The following USP36 variants were observed in gnomAD, a reference collection of about 807,000 sequenced individuals.
USP36 encodes the protein ubiquitin specific peptidase 36.
USP36 carries 59 observed loss-of-function variants against 111.5 expected under a neutral mutation model. The ratio of observed to expected loss-of-function variants is 0.53; its 90% CI spans 0.43 to 0.66. USP36 has a LOEUF of 0.66. Among genes scored for constraint, USP36 ranks in the 30% least tolerant of loss-of-function variants. The pLI is 0.00. For synonymous variants in USP36, 628 were observed against 581.0 expected (o/e 1.08, Z -1.16); for missense variants, 1,488 against 1,468.0 (o/e 1.01, Z -0.22).
intron 15 of USP36, among the ~76,000 whole-genome samples, 173 bp from the exon 16 acceptor site, chr17:78,804,151 T>G (rs1383666565): frequency 5.9e-5 from 9 of 152,172 alleles, no homozygotes; most frequent in Non-Finnish European, 1.2e-4. Context: ...AGCTAACAAT[T>G]AATTCAACAT....
intron 17 of USP36, 67 bp from the exon 18 acceptor site, chr17:78,799,835 C>A: frequency 1.0e-6 from 1 of 978,748 alleles, no homozygotes; most frequent in Non-Finnish European, 1.5e-6. Context: ...AGCAATCGCA[C>A]ACCTTAAATT....
chr17:78,798,886 TG>T lies in USP36; in HGVS notation c.3240+21del. ...ACGCCGCCCTGCTCCCTCAAGCCTG[TG>T]GTCAGCATCACACATCATACCTTCC... On this transcript the variant is annotated intron_variant, in intron 19 of 20. Coordinates refer to ENST00000449938, the MANE Select transcript of USP36 (RefSeq NM_001385174.1). The surrounding 1 kb of genome is among the most constrained non-coding windows in gnomAD (Gnocchi z 5.1). 3 of 1,613,292 alleles carry T rather than the reference TG, an allele frequency of 1.9e-6. No individual in the cohort carries two copies. The highest frequency in any genetic ancestry group is 2.5e-6 in the Non-Finnish European group (3 of 1,179,442).
At chr17:78,789,219 AAGG>A (rs1446745076) in intron 3 of USP36, among the ~76,000 whole-genome samples, 1 of 148,172 alleles carries the variant, frequency 6.7e-6, no homozygotes, top group Non-Finnish European at 1.5e-5. Context: ...AAAAAAAAAA[AAGG>A]AGATGAGGTT....
chr17:78,798,841 C>A lies in USP36; in HGVS notation c.3240+67G>T. The A allele has an allele frequency of 6.3e-7, 1 of 1,576,422 alleles. No homozygotes were observed. The highest frequency in any genetic ancestry group is 8.7e-7 in the Non-Finnish European group (1 of 1,149,930). On this transcript the variant is annotated intron_variant, in intron 19 of 20. Transcript: ENST00000449938. This position sits in a 1 kb window ranked among gnomAD's most constrained non-coding sequence, Gnocchi z 5.1. ...ATGCCACTGCCGCCACCTCCAACTG[C>A]CCCGGCTCTGAGCTGAGCCACGCCG...
At chr17:78,799,523 G>A (rs1014431029) in intron 18 of USP36, 144 bp downstream of exon 18, 17 of 726,404 alleles carry the variant, frequency 2.3e-5, no homozygotes, top group Non-Finnish European at 3.9e-5. Context: ...ACTCCAGCCA[G>A]TGTTGAGATT....
chr17:78,826,120 G>A (rs2067517365), intron 6 of USP36, among the ~76,000 whole-genome samples: 1 of 152,174 alleles, frequency 6.6e-6, no homozygotes, highest in Non-Finnish European at 1.5e-5. Flanking sequence ...AGGGAGCAAG[G>A]AAGCTTGAGC....
chr17:78,827,264 A>C lies in USP36; in HGVS notation c.670T>G (p.Cys224Gly). 1.9e-6 allele frequency: 3 copies of C among 1,613,832 alleles called. No individual in the cohort carries two copies. Among genetic ancestry groups the C allele is most frequent in the Non-Finnish European group, 2.5e-6 (3 of 1,180,016 alleles). Reference protein sequence around the residue: ...RYTIDAMQKACLNGCAKLDRQ... With the variant: ...RYTIDAMQKAGLNGCAKLDRQ... ...ACGCACTTGGCACAGCCATTCAGGC[A>C]GGCTTTCTGCATGGCGTCGATGGTG... is the stretch of plus-strand genomic sequence containing the variant. Residue 224 changes from cysteine (C) to glycine (G), a missense_variant, in exon 6 of 21, where the codon TGC becomes GGC. Around this residue, in one of 3 missense-constraint regions of USP36, gnomAD observed 196 missense variants for 264.4 expected, o/e 0.74. Coordinates refer to ENST00000449938, the MANE Select transcript of USP36 (RefSeq NM_001385174.1).
Position 78,806,936 on chromosome 17 carries a change from C to T in USP36, c.2085+23G>A, listed in dbSNP as rs200029537. 5.3e-5 allele frequency: 85 copies of T among 1,609,372 alleles called. No individual in the cohort carries two copies. The East Asian group carries it at 6.9e-4, about 13-fold the overall frequency. ...TTGGAGCTCTCCTGATACACAGCAG[C>T]GGCGAGACCCCCACACACCCACCTT... is the stretch of plus-strand genomic sequence containing the variant. On this transcript the variant is annotated intron_variant, in intron 14 of 20. Coordinates refer to ENST00000449938, the MANE Select transcript of USP36 (RefSeq NM_001385174.1).
At chr17:78,801,816 T>C (rs1598977017) in intron 17 of USP36, among the ~76,000 whole-genome samples, 1 of 152,354 alleles carries the variant, frequency 6.6e-6, no homozygotes, top group Non-Finnish European at 1.5e-5. Context: ...AGAACAGCTT[T>C]GAATCGGAAG....
At chr17:78,831,117 TCGGGAGGCTGAGC>T (rs1020165055) in intron 4 of USP36, among the ~76,000 whole-genome samples, 1 of 148,990 alleles carries the variant, frequency 6.7e-6, no homozygotes, top group African/African-American at 2.5e-5. Context: ...TCCCAGCTAC[TCGGGAGGCTGAGC>T]CAGGAGAATC....
Position 78,803,902 on chromosome 17 carries a change from T to C in USP36, c.2293A>G (p.Thr765Ala), listed in dbSNP as rs755241349. 4 of 1,438,652 alleles carry C rather than the reference T, an allele frequency of 2.8e-6. No individual in the cohort carries two copies. Among genetic ancestry groups the C allele is most frequent in the Non-Finnish European group, 3.7e-6 (4 of 1,073,720 alleles). 89.1% of individuals were successfully genotyped at this position (1,438,652 alleles called of 1,614,324 possible). A position where few individuals can be genotyped will look rare whatever the true frequency, so the allele number is the denominator to read the frequency against. ...FSPHPTLLSS[T>A]PKPPGTSEPR... is the part of the protein sequence containing the mutation. ...TCTGACGTCCCTGGGGGCTTGGGGG[T>C]ACTGGACAGCAATGTGGGGTGGGGG... Residue 765 changes from threonine to alanine, a missense_variant, in exon 16 of 21, where the codon ACC becomes GCC. By Grantham distance (58) the Thr-to-Ala change is moderately conservative (BLOSUM62 0). Around this residue, in one of 3 missense-constraint regions of USP36, gnomAD observed 1,073 missense variants for 994.1 expected, o/e 1.08. Coordinates refer to ENST00000449938, the MANE Select transcript of USP36 (RefSeq NM_001385174.1). The surrounding 1 kb of genome is among the most constrained non-coding windows in gnomAD (Gnocchi z 4.6).
At chr17:78,802,677 C>A in intron 16 of USP36, 142 bp from the exon 17 acceptor site, 1 of 795,322 alleles carries the variant, frequency 1.3e-6, no homozygotes, top group Non-Finnish European at 2.0e-6. Context: ...ATTCTTCCCC[C>A]CACACGCATT....
At chr17:78,830,177 T>C (rs540946144) in intron 4 of USP36, among the ~76,000 whole-genome samples, 52 of 152,350 alleles carry the variant, frequency 3.4e-4, no homozygotes, top group Admixed American at 3.3e-4. Context: ...ATTAGGCAAT[T>C]ATCGTTCTCA....
chr17:78,802,368 CTGCTGGACTCGGGGACAACAGCATCT>C lies in USP36; in HGVS notation c.2952_2977del (p.Asp985LeufsTer31), dbSNP rs759220984. On this transcript the variant is annotated frameshift_variant, in exon 17 of 21. Coordinates refer to ENST00000449938, the MANE Select transcript of USP36 (RefSeq NM_001385174.1). LOFTEE classifies it high-confidence loss of function. ...CCAGCCATTCGCGGATGGTGCGCAG[CTGCTGGACTCGGGGACAACAGCATCT>C]TGGGGCTTGGCACTCCTTGGGCATT... The C allele has an allele frequency of 1.6e-5, 25 of 1,604,104 alleles. No individual in the cohort carries two copies. The highest frequency in any genetic ancestry group is 2.1e-5 in the Non-Finnish European group (25 of 1,175,590).
chr17:78,837,774 C>A (rs988952166), intron 2 of USP36, among the ~76,000 whole-genome samples: 4 of 152,182 alleles, frequency 2.6e-5, no homozygotes, highest in Non-Finnish European at 5.9e-5. Flanking sequence ...ACCCAGCCTG[C>A]CCTCAGAGAA....
intron 4 of USP36, among the ~76,000 whole-genome samples, chr17:78,831,516 G>A (rs184738262): frequency 7.8e-4 from 119 of 152,172 alleles, no homozygotes; most frequent in Non-Finnish European, 1.2e-3. Flanking sequence ...GGGAGGATGA[G>A]GGAAGAGAAT....
At position 78,814,441 on chromosome 17, in the gene USP36, G is replaced by C; in HGVS notation, c.1135C>G (p.His379Asp). 6.2e-7 allele frequency: 1 copy of C among 1,614,176 alleles called. No individual in the cohort carries two copies. The highest frequency in any genetic ancestry group is 1.1e-5 in the South Asian group (1 of 91,078). ...ACGTAGCAGTAATAGTGCCCGGCATGGCAGCTGTAGCCCGAGTGCACCAGG... is the reference window on the plus strand; with the variant it reads ...ACGTAGCAGTAATAGTGCCCGGCATCGCAGCTGTAGCCCGAGTGCACCAGG... ...AVLVHSGYSCHAGHYYCYVKA... is the reference protein window; with the variant it reads ...AVLVHSGYSCDAGHYYCYVKA... Residue 379 changes from histidine (H) to aspartate (D), a missense_variant, in exon 11 of 21, where the codon CAT (histidine) becomes GAT (aspartate). Physicochemically the swap from His to Asp is moderately conservative, Grantham distance 81. Around this residue, in one of 3 missense-constraint regions of USP36, gnomAD observed 1,073 missense variants for 994.1 expected, o/e 1.08. Transcript: ENST00000449938.
intron 13 of USP36, among the ~76,000 whole-genome samples, chr17:78,808,465 A>G (rs4796800): frequency 0.86 from 131,239 of 152,166 alleles, 56,669 homozygotes; most frequent in African/African-American, 0.92. Context: ...TGCCCCGGCT[A>G]GCCTTGAATT....
chr17:78,807,304 A>G lies in USP36; in HGVS notation c.1740T>C (p.Ser580=). 1.2e-6 allele frequency: 2 copies of G among 1,614,186 alleles called. No homozygotes were observed. Among genetic ancestry groups the G allele is most frequent in the East Asian group, 2.2e-5 (1 of 44,876 alleles). ...CTGTAGCCAGGAGCTTAGGTGAGGT[A>G]GAGAGGACAACATCCCTGCTGTCCC... The part of the protein sequence containing the change: ...GSWDSRDVVL[S]TSPKLLATAT... Residue 580 remains serine, a synonymous_variant, in exon 14 of 21, where the codon TCT becomes TCC. Transcript: ENST00000449938.
Sources: allele counts gnomAD v4.1 joint callset (sites outside exome capture counted in the v4.1 genomes callset), GRCh38; gene constraint gnomAD v4.1.1; regional missense constraint gnomAD v4.1.1; non-coding constraint Gnocchi (gnomAD v3.1); transcripts MANE v1.5; gene names NCBI Gene and HGNC (gene_info 2026-07-23, HGNC 2026-07-21).